TAOK2: variants seen among roughly 807,000 people sequenced by gnomAD.
The protein encoded by TAOK2 is serine/threonine-protein kinase TAO2.
A neutral mutation model predicts 122.5 loss-of-function variants in TAOK2; 42 were observed. The observed-to-expected ratio is 0.34, with a 90% CI of 0.27 to 0.44. The LOEUF (loss-of-function observed/expected upper bound fraction) is 0.44. Ranked by LOEUF, TAOK2 falls within the 20% of genes least tolerant of loss-of-function variation. TAOK2 has a pLI of 1.00. For synonymous variants in TAOK2, 704 were observed against 677.6 expected, an observed-to-expected ratio of 1.04 and a Z score of -0.61; for missense variants, 1,264 against 1,644.9, an observed-to-expected ratio of 0.77 and a Z score of 4.01.
Position 29,979,255 on chromosome 16 carries a change from T to G in TAOK2, c.510T>G (p.Phe170Leu). Residue 170 changes from phenylalanine (F) to leucine (L), a missense_variant, in exon 7 of 16, where the codon TTT becomes TTG. By Grantham distance (22) the Phe-to-Leu change is conservative. Around this residue, in one of 4 missense-constraint regions of TAOK2, gnomAD observed 254 missense variants for 503.8 expected, o/e 0.50. Coordinates refer to ENST00000308893, the MANE Select transcript of TAOK2 (RefSeq NM_016151.4). This position sits in a 1 kb window ranked among gnomAD's most constrained non-coding sequence, Gnocchi z 4.1. The stretch of plus-strand genomic sequence containing the variant: ...CAGGGTTAGTGAAGCTAGGGGACTT[T>G]GGTTCTGCGTCCATCATGGCACCTG... ...SEPGLVKLGD[F>L]GSASIMAPAN... The G allele has an allele frequency of 1.2e-6, 2 of 1,614,200 alleles. No homozygotes were observed. The highest frequency in any genetic ancestry group is 1.1e-5 in the South Asian group (1 of 91,084).
At position 29,985,811 on chromosome 16, in the gene TAOK2, C is replaced by T. The variant is rs758342146; in HGVS notation, c.1942C>T (p.Arg648Cys). Residue 648 changes from arginine (R) to cysteine (C), a missense_variant, in exon 15 of 16, where the codon CGC becomes TGC. Arg to Cys is a radical substitution (Grantham distance 180). Coordinates refer to ENST00000308893, the MANE Select transcript of TAOK2 (RefSeq NM_016151.4). The surrounding 1 kb of genome is among the most constrained non-coding windows in gnomAD (Gnocchi z 6.9). ...YFELQCRQYK[R>C]KMLLARHSLD... is the part of the protein sequence containing the mutation. ...TGAGCTGCAGTGTCGCCAGTACAAG[C>T]GCAAGATGTTGCTGGCTCGGCACAG... 9.9e-6 allele frequency: 16 copies of T among 1,611,852 alleles called. No individual in the cohort carries two copies. Among genetic ancestry groups the T allele is most frequent in the South Asian group, 2.2e-5 (2 of 90,970 alleles).
Position 29,974,410 on chromosome 16 carries a change from TC to T in TAOK2, c.-272del, listed in dbSNP as rs1251370598. The stretch of plus-strand genomic sequence containing the variant: ...GGGGTTCAGACCCCACAATCAGAAA[TC>T]CGGAATTCGGCAGCTGTCGCCCTCG... On this transcript the variant is annotated 5_prime_UTR_variant, in exon 1 of 16. Transcript: ENST00000308893. 2 of 152,544 alleles carry T rather than the reference TC, an allele frequency of 1.3e-5. No homozygotes were observed. The highest frequency in any genetic ancestry group is 3.9e-4 in the East Asian group (2 of 5,168). 9.4% of individuals were successfully genotyped at this position (152,544 alleles called of 1,614,324 possible).
In TAOK2 at chr16:29,979,107, CT is replaced by C; in HGVS notation, c.449+38del. 1 of 1,612,744 alleles carries C rather than the reference CT, an allele frequency of 6.2e-7. No individual in the cohort carries two copies. Reference sequence around the variant, plus strand: ...ACCGGCAGTGCCTGGGAGGGGAGTGCTATCTGCACCACCTGTCACTTAGCTG... The same window carrying C: ...ACCGGCAGTGCCTGGGAGGGGAGTGCATCTGCACCACCTGTCACTTAGCTG... On this transcript the variant is annotated intron_variant, in intron 6 of 15. Transcript: ENST00000308893. The surrounding 1 kb of genome is among the most constrained non-coding windows in gnomAD (Gnocchi z 4.1).
At chr16:29,975,084 G>A (rs1210804128) in intron 1 of TAOK2, among the ~76,000 whole-genome samples, 1 of 152,082 alleles carries the variant, frequency 6.6e-6, no homozygotes, top group African/African-American at 2.4e-5. Flanking sequence ...TGGATTTCTT[G>A]TCCTTGCAAG....
In TAOK2 at chr16:29,986,624, G is replaced by A; in HGVS notation, c.2352G>A (p.Leu784=). ...GCTCACCTGGCCAGGAGGCAGTCCT[G>A]GACCAAAGAATGCTTGGCGAGGAGG... is the stretch of plus-strand genomic sequence containing the variant. ...QPCSPGQEAV[L]DQRMLGEEEE... Residue 784 remains leucine (L), a synonymous_variant, in exon 16 of 16, where the codon CTG becomes CTA. Coordinates refer to ENST00000308893, the MANE Select transcript of TAOK2 (RefSeq NM_016151.4). This position sits in a 1 kb window ranked among gnomAD's most constrained non-coding sequence, Gnocchi z 4.2. 1 of 1,612,188 alleles carries A rather than the reference G, an allele frequency of 6.2e-7. No homozygotes were observed. Among genetic ancestry groups the A allele is most frequent in the Non-Finnish European group, 8.5e-7 (1 of 1,179,288 alleles).
chr16:29,987,984 A>T lies in TAOK2; in HGVS notation c.*4A>T. The stretch of plus-strand genomic sequence containing the variant: ...GGCCCTGCCCCCCTGGAGGTAGCTG[A>T]CTCCAGCCCTTCCAGCCCAAATCTA... On this transcript the variant is annotated 3_prime_UTR_variant, in exon 16 of 16. Transcript: ENST00000308893. 1 of 1,517,284 alleles carries T rather than the reference A, an allele frequency of 6.6e-7. No homozygotes were observed. The highest frequency in any genetic ancestry group is 8.8e-7 in the Non-Finnish European group (1 of 1,140,442). The allele number at this position is 1,517,284 out of a possible 1,614,324, so 94.0% of individuals were successfully genotyped here. A position where few individuals can be genotyped will look rare whatever the true frequency, so the allele number is the denominator to read the frequency against.
chr16:29,986,527 CG>C lies in TAOK2; in HGVS notation c.2258del (p.Gly753AlafsTer19), dbSNP rs1031086300. The C allele has an allele frequency of 6.2e-7, 1 of 1,612,654 alleles. No individual in the cohort carries two copies. The highest frequency in any genetic ancestry group is 1.7e-5 in the Admixed American group (1 of 59,798). On this transcript the variant is annotated frameshift_variant, in exon 16 of 16. Coordinates refer to ENST00000308893, the MANE Select transcript of TAOK2 (RefSeq NM_016151.4). LOFTEE classifies it high-confidence loss of function. The surrounding 1 kb of genome is among the most constrained non-coding windows in gnomAD (Gnocchi z 4.2). ...SLKVRAGQRPPGLPLPIPGAL... is the reference protein window; with the variant it reads ...SLKVRAGQRPXGLPLPIPGAL... ...AAAGTACGTGCAGGCCAGCGCCCCC[CG>C]GGCCTTCCACTCCCCATTCCTGGGG... is the stretch of plus-strand genomic sequence containing the variant.
Position 29,979,428 on chromosome 16 carries a change from A to T in TAOK2, c.575A>T (p.Glu192Val). The change falls in exon 8 of 16, where the codon GAG becomes GTG. Residue 192 changes from glutamate (E) to valine (V), a missense_variant. Glu to Val is a moderately radical substitution (Grantham distance 121). Transcript: ENST00000308893. This position sits in a 1 kb window ranked among gnomAD's most constrained non-coding sequence, Gnocchi z 4.1. The stretch of plus-strand genomic sequence containing the variant: ...GACCATTCTCCTAGGATGGCACCCG[A>T]GGTGATCCTGGCCATGGATGAGGGG... ...FVGTPYWMAPEVILAMDEGQY... is the reference protein window; with the variant it reads ...FVGTPYWMAPVVILAMDEGQY... 6.3e-7 allele frequency: 1 copy of T among 1,587,142 alleles called. No homozygotes were observed. Among genetic ancestry groups the T allele is most frequent in the Non-Finnish European group, 8.6e-7 (1 of 1,164,488 alleles).
rs1049680287 is a variant in TAOK2, at chr16:29,985,203, C to T, written c.1423-10C>T. 19 of 1,496,746 alleles carry T rather than the reference C, an allele frequency of 1.3e-5. No homozygotes were observed. The highest frequency in any genetic ancestry group is 1.7e-5 in the Non-Finnish European group (19 of 1,122,122). The allele number at this position is 1,496,746 out of a possible 1,614,324, so 92.7% of individuals were successfully genotyped here. A position where few individuals can be genotyped will look rare whatever the true frequency, so the allele number is the denominator to read the frequency against. On this transcript the variant is annotated splice_polypyrimidine_tract_variant and intron_variant, in intron 13 of 15. Coordinates refer to ENST00000308893, the MANE Select transcript of TAOK2 (RefSeq NM_016151.4). The surrounding 1 kb of genome is among the most constrained non-coding windows in gnomAD (Gnocchi z 6.9). ...CTGAGCCCCAGCTCTCACCCTCTCT[C>T]CTTCCCCAGGTCAGCCGTCAGATCC...
chr16:29,986,435 C>A lies in TAOK2; in HGVS notation c.2163C>A (p.Asn721Lys). 6.2e-7 allele frequency: 1 copy of A among 1,609,322 alleles called. No individual in the cohort carries two copies. Among genetic ancestry groups the A allele is most frequent in the Non-Finnish European group, 8.5e-7 (1 of 1,177,764 alleles). ...AGCTGGGCAACCAGCTGGAGTACAACAAGCGGCGTGAGCAAGAGTTGCGGC... is the reference window on the plus strand; with the variant it reads ...AGCTGGGCAACCAGCTGGAGTACAAAAAGCGGCGTGAGCAAGAGTTGCGGC... ...QTELGNQLEY[N>K]KRREQELRQK... Residue 721 changes from asparagine (N) to lysine (K), a missense_variant, in exon 16 of 16, where the codon AAC becomes AAA. Physicochemically the swap from Asn to Lys is moderately conservative, Grantham distance 94 (BLOSUM62 0). Around this residue, in one of 4 missense-constraint regions of TAOK2, gnomAD observed 824 missense variants for 908.7 expected, o/e 0.91. Transcript: ENST00000308893. The surrounding 1 kb of genome is among the most constrained non-coding windows in gnomAD (Gnocchi z 4.2).
At chr16:29,991,663 G>A (rs2069972120), downstream of TAOK2, 2 of 1,363,486 alleles carry the variant, frequency 1.5e-6, no homozygotes, top group African/African-American at 1.5e-5. The surrounding 1 kb of genome is among the most constrained non-coding windows in gnomAD (Gnocchi z 5.6). Context: ...GCAAGGGTAG[G>A]GGACAAGATG....
downstream of TAOK2, chr16:29,991,352 C>T (rs1366152287): frequency 6.3e-7 from 1 of 1,594,572 alleles, no homozygotes; most frequent in Non-Finnish European, 8.5e-7. This position sits in a 1 kb window ranked among gnomAD's most constrained non-coding sequence, Gnocchi z 5.6. Flanking sequence ...CCCCAGGCCC[C>T]CCAAACTGGC....
chr16:29,984,061 G>A (rs1027051075), intron 13 of TAOK2, among the ~76,000 whole-genome samples: 4 of 152,156 alleles, frequency 2.6e-5, no homozygotes, highest in African/African-American at 7.2e-5. Flanking sequence ...GCCCTGTGCC[G>A]GGGGTGCCCT....
chr16:29,982,619 A>T, intron 10 of TAOK2, 115 bp from the exon 11 acceptor site: 2 of 1,397,132 alleles, frequency 1.4e-6, no homozygotes, highest in Non-Finnish European at 1.9e-6. Context: ...GCCAGCATCA[A>T]CCCGTGGTGG....
chr16:29,982,168 G>T (rs761000988), intron 10 of TAOK2, among the ~76,000 whole-genome samples: 6 of 152,148 alleles, frequency 3.9e-5, no homozygotes, highest in Non-Finnish European at 4.4e-5. Flanking sequence ...ATTAATCAAA[G>T]ATTTATATAA....
In TAOK2 at chr16:29,985,313, C is replaced by G. The variant is rs200883075; in HGVS notation, c.1523C>G (p.Ala508Gly). ...CGACAGCACCAGAAGCAGCTGCTGGCCCTGGAGTCACGGCTGAGGGGTGAA... is the reference window on the plus strand; with the variant it reads ...CGACAGCACCAGAAGCAGCTGCTGGGCCTGGAGTCACGGCTGAGGGGTGAA... ...MRRQHQKQLL[A>G]LESRLRGERE... The change falls in exon 14 of 16, where the codon GCC (alanine) becomes GGC (glycine). Residue 508 changes from alanine (A) to glycine (G), a missense_variant. Physicochemically the swap from Ala to Gly is moderately conservative, Grantham distance 60. Coordinates refer to ENST00000308893, the MANE Select transcript of TAOK2 (RefSeq NM_016151.4). This position sits in a 1 kb window ranked among gnomAD's most constrained non-coding sequence, Gnocchi z 6.9. 88 of 1,609,326 alleles carry G rather than the reference C, an allele frequency of 5.5e-5. 2 individuals are homozygous for G. In the East Asian group the frequency reaches 1.9e-3, roughly 36 times the overall value.
In TAOK2 at chr16:29,974,535, G is replaced by C. The variant is rs1369544296; in HGVS notation, c.-149G>C. ...CCGCCCCTCAGGAAGGGCGAAAGCCGAGGAAGAGGTGGCAAGGGGAAAGGT... is the reference window on the plus strand; with the variant it reads ...CCGCCCCTCAGGAAGGGCGAAAGCCCAGGAAGAGGTGGCAAGGGGAAAGGT... On this transcript the variant is annotated 5_prime_UTR_variant, in exon 1 of 16. Transcript: ENST00000308893. The C allele has an allele frequency of 1.3e-5, 2 of 152,584 alleles. No individual in the cohort carries two copies. The highest frequency in any genetic ancestry group is 2.9e-5 in the Non-Finnish European group (2 of 68,010). 9.5% of individuals were successfully genotyped at this position (152,584 alleles called of 1,614,324 possible).
chr16:29,984,383 T>C (rs1168225872), intron 13 of TAOK2, among the ~76,000 whole-genome samples: 1 of 152,222 alleles, frequency 6.6e-6, no homozygotes, highest in Non-Finnish European at 1.5e-5. Context: ...AAAAAGTGTT[T>C]AGGCTTTTCA....
Position 29,988,105 on chromosome 16 carries a change from C to A in TAOK2, c.*125C>A. ...CCTTCCTCAGTTTGCTCACTTACCCCAGGCCCAGCCCTTCGGACCTCTAGA... is the reference window on the plus strand; with the variant it reads ...CCTTCCTCAGTTTGCTCACTTACCCAAGGCCCAGCCCTTCGGACCTCTAGA... On this transcript the variant is annotated 3_prime_UTR_variant, in exon 16 of 16. Transcript: ENST00000308893. 7.0e-7 allele frequency: 1 copy of A among 1,435,102 alleles called. No individual in the cohort carries two copies. Among genetic ancestry groups the A allele is most frequent in the Non-Finnish European group, 9.1e-7 (1 of 1,099,560 alleles). The allele number at this position is 1,435,102 out of a possible 1,614,324, so 88.9% of individuals were successfully genotyped here. A position where few individuals can be genotyped will look rare whatever the true frequency, so the allele number is the denominator to read the frequency against.
Sources: gnomAD v4.1 joint callset for allele counts (sites outside exome capture counted in the v4.1 genomes callset) on GRCh38, gnomAD v4.1.1 for gene constraint, gnomAD v4.1.1 regional missense constraint, Gnocchi (gnomAD v3.1) non-coding constraint, MANE v1.5 for transcripts, NCBI Gene and HGNC (gene_info 2026-07-23, HGNC 2026-07-21) for gene names.